ANKRD36C: variants seen among roughly 807,000 people sequenced by gnomAD.
ANKRD36C encodes the protein ankyrin repeat domain-containing protein 36C.
Under a neutral mutation model 276.4 loss-of-function variants are expected in ANKRD36C, and 61 were observed. The ratio of observed to expected loss-of-function variants is 0.22; its 90% CI spans 0.18 to 0.27. The LOEUF (loss-of-function observed/expected upper bound fraction) is 0.27, where lower values mean the gene tolerates loss of function less well. Ranked by LOEUF, ANKRD36C falls within the 10% of genes least tolerant of loss-of-function variation. ANKRD36C has a pLI of 1.00. For missense variants in ANKRD36C, 1,447 were observed against 2,032.3 expected (o/e 0.71, Z 5.54); for synonymous variants, 483 against 680.1 (o/e 0.71, Z 4.51).
chr2:95,883,684 C>T (rs1285367005), intron 54 of ANKRD36C, among the ~76,000 whole-genome samples: 1 of 152,016 alleles, frequency 6.6e-6, no homozygotes, highest in Non-Finnish European at 1.5e-5. Flanking sequence ...TAAATAACTT[C>T]TTATTTTCCC....
chr2:95,963,944 AATATATATATATAAATAT>A (rs1230379507), intron 6 of ANKRD36C, among the ~76,000 whole-genome samples: 3 of 82,716 alleles, frequency 3.6e-5, no homozygotes, highest in Admixed American at 1.6e-4. Context: ...TACATATATA[AATATATATATATAAATAT>A]ATATATATAA....
intron 1 of ANKRD36C, 36 bp downstream of exon 1, chr2:95,991,476 C>T: frequency 6.4e-7 from 1 of 1,557,060 alleles, no homozygotes; most frequent in Non-Finnish European, 8.7e-7. Context: ...CATCCACAGG[C>T]CTCCTCCCGC....
At chr2:95,856,374 A>T (rs560939002) in intron 62 of ANKRD36C, among the ~76,000 whole-genome samples, 194 bp from the exon 83 acceptor site, 10 of 152,206 alleles carry the variant, frequency 6.6e-5, no homozygotes, top group Non-Finnish European at 1.3e-4. Flanking sequence ...TCAAAAGTTT[A>T]TTTGAAGACA....
rs1432747162 is a variant in ANKRD36C at position 95,894,670 on chromosome 2, T to C, written c.2756-2810A>G. Among the ~76,000 whole-genome samples, 4 of 151,418 alleles carry C rather than the reference T, an allele frequency of 2.6e-5. No individual in the cohort carries two copies. In the South Asian group the frequency reaches 8.3e-4, roughly 31 times the overall value. Reference sequence around the variant, plus strand: ...TCTTTGAAGAAGGAAGCCAACGTATTCATATTCACGTTTATCTCATTTCTA... The same window carrying C: ...TCTTTGAAGAAGGAAGCCAACGTATCCATATTCACGTTTATCTCATTTCTA... On this transcript the variant is annotated intron_variant, in intron 44 of 66. Transcript: ENST00000456556.
intron 54 of ANKRD36C, 74 bp downstream of exon 74, chr2:95,884,099 G>C: frequency 6.7e-7 from 1 of 1,486,390 alleles, no homozygotes; most frequent in Non-Finnish European, 9.2e-7. Flanking sequence ...CGAGCCCTCC[G>C]TTGATTTATT....
chr2:95,903,504 G>A (rs369529752), intron 42 of ANKRD36C, among the ~76,000 whole-genome samples: 11 of 151,366 alleles, frequency 7.3e-5, no homozygotes, highest in East Asian at 3.9e-4. Flanking sequence ...AACATTCATC[G>A]TGCTCTTTAA....
chr2:95,862,485 T>C (rs1675608761), intron 60 of ANKRD36C, among the ~76,000 whole-genome samples: 1 of 151,636 alleles, frequency 6.6e-6, no homozygotes, highest in Non-Finnish European at 1.5e-5. Context: ...TATTCTGAAC[T>C]GAATAAAAAT....
In ANKRD36C at chr2:95,879,051, AATCAATCTAAATGTAT is replaced by A. The variant is rs1327679939; in HGVS notation, c.3469+1360_3469+1375del. On this transcript the variant is annotated intron_variant, in intron 58 of 66. Transcript: ENST00000456556. ...ACTTTCCACAATAGCCATAATTTGG[AATCAATCTAAATGTAT>A]ATCAACAGAAAAATGGGTTCTAAAA... Among the ~76,000 whole-genome samples, 5 of 152,352 alleles carry A rather than the reference AATCAATCTAAATGTAT, an allele frequency of 3.3e-5. No homozygotes were observed. In the East Asian group the frequency reaches 9.6e-4, roughly 29 times the overall value.
intron 6 of ANKRD36C, among the ~76,000 whole-genome samples, chr2:95,968,164 C>G (rs898949930): frequency 6.6e-6 from 1 of 152,032 alleles, no homozygotes; most frequent in Non-Finnish European, 1.5e-5. Context: ...GACTTTGATG[C>G]TTTATTACAG....
intron 32 of ANKRD36C, 150 bp from the exon 33 acceptor site, chr2:95,921,960 G>C (rs1197372867): frequency 2.1e-5 from 17 of 823,282 alleles, no homozygotes; most frequent in Admixed American, 3.3e-5. Flanking sequence ...GAGCATGACA[G>C]AAATATACTA....
intron 6 of ANKRD36C, among the ~76,000 whole-genome samples, chr2:95,963,356 T>C (rs1678503806): frequency 6.6e-6 from 1 of 152,082 alleles, no homozygotes; most frequent in Non-Finnish European, 1.5e-5. Context: ...AAAATAACCA[T>C]TTTATTAATC....
At chr2:95,979,864 GAA>G (rs1278795046) in intron 5 of ANKRD36C, among the ~76,000 whole-genome samples, 1 of 152,038 alleles carries the variant, frequency 6.6e-6, no homozygotes, top group Non-Finnish European at 1.5e-5. Flanking sequence ...GAGTGTGGGT[GAA>G]AGTGTCAATT....
chr2:95,967,343 T>G (rs1678612765), intron 6 of ANKRD36C, among the ~76,000 whole-genome samples: 1 of 152,146 alleles, frequency 6.6e-6, no homozygotes, highest in South Asian at 2.1e-4. Flanking sequence ...GAACAGACAC[T>G]TCTCAAAAGA....
In ANKRD36C at chr2:95,897,253, T is replaced by C. The variant is rs1676578960; in HGVS notation, c.2755+1892A>G. On this transcript the variant is annotated intron_variant, in intron 44 of 66. Transcript: ENST00000456556. Reference sequence around the variant, plus strand: ...TATCTGGACTGAACATGACATTAAATCTCTTTTCAAAATTACCTCTCCTAG... The same window carrying C: ...TATCTGGACTGAACATGACATTAAACCTCTTTTCAAAATTACCTCTCCTAG... The C allele has an allele frequency of 2.0e-6, 3 of 1,466,484 alleles. No homozygotes were observed. The highest frequency in any genetic ancestry group is 1.8e-6 in the Non-Finnish European group (2 of 1,083,244). 90.8% of individuals were successfully genotyped at this position (1,466,484 alleles called of 1,614,324 possible).
At chr2:95,925,424 C>T in exon 30 of ANKRD36C, 1 of 1,553,548 alleles carries the variant, frequency 6.4e-7, no homozygotes, top group Non-Finnish European at 8.7e-7. Flanking sequence ...TTAAATATAA[C>T]CTGAATGGAA....
intron 17 of ANKRD36C, among the ~76,000 whole-genome samples, chr2:95,947,075 T>C (rs1181695662): frequency 6.6e-6 from 1 of 152,026 alleles, no homozygotes; most frequent in Non-Finnish European, 1.5e-5. Context: ...ATGTATGTCC[T>C]GAAAAATATG....
intron 34 of ANKRD36C, 52 bp from the exon 37 acceptor site, chr2:95,918,094 A>C (rs1378475155): frequency 5.1e-6 from 8 of 1,582,074 alleles, no homozygotes; most frequent in African/African-American, 1.3e-5. Flanking sequence ...TGATAAAGTT[A>C]TCCATACATT....
chr2:95,852,943 G>A lies in ANKRD36C; in HGVS notation c.5149-747C>T, dbSNP rs1019899463. 1.1e-3 allele frequency: 173 copies of A among 152,302 alleles called. 1 individual carries two copies. The highest frequency in any genetic ancestry group is 3.9e-3 in the African/African-American group (163 of 41,474). 9.4% of individuals were successfully genotyped at this position (152,302 alleles called of 1,614,324 possible). On this transcript the variant is annotated intron_variant, in intron 64 of 66. Transcript: ENST00000456556. ...AAAAGCATCATCTTAAACTGCAAAGGTGTCCATTAAACATGCCAAAGGAGA... is the reference window on the plus strand; with the variant it reads ...AAAAGCATCATCTTAAACTGCAAAGATGTCCATTAAACATGCCAAAGGAGA...
At chr2:95,954,429 G>A (rs76766249) in intron 13 of ANKRD36C, among the ~76,000 whole-genome samples, 1 of 141,288 alleles carries the variant, frequency 7.1e-6, no homozygotes, top group Non-Finnish European at 1.6e-5. Flanking sequence ...GAAAAGGCAC[G>A]GTCTCTTCTC....
Sources: gnomAD v4.1 joint callset for allele counts (sites outside exome capture counted in the v4.1 genomes callset) on GRCh38, gnomAD v4.1.1 for gene constraint, MANE v1.5 for transcripts, NCBI Gene and HGNC (gene_info 2026-07-23, HGNC 2026-07-21) for gene names.